ZNF536: variants seen among roughly 807,000 people sequenced by gnomAD.
ZNF536 encodes the protein zinc finger protein 536.
A neutral mutation model predicts 84.5 loss-of-function variants in ZNF536; 13 were observed. The observed-to-expected ratio is 0.15, with a 90% CI of 0.10 to 0.24. The LOEUF (loss-of-function observed/expected upper bound fraction) is 0.24, where lower values mean the gene tolerates loss of function less well. Ranked by LOEUF, ZNF536 falls within the 10% of genes least tolerant of loss-of-function variation. ZNF536 has a pLI of 1.00. For synonymous variants in ZNF536, 811 were observed against 742.5 expected (o/e 1.09, Z -1.50); for missense variants, 1,536 against 1,747.5 (o/e 0.88, Z 2.16).
chr19:30,350,975 G>A (rs981781564), intron 2 of ZNF536, among the ~76,000 whole-genome samples: 3 of 152,172 alleles, frequency 2.0e-5, no homozygotes, highest in South Asian at 2.1e-4. Context: ...CATATGCGGG[G>A]TGGTCTGTGC....
At chr19:30,646,249 C>A (rs2049464826) in intron 1 of ZNF536, among the ~76,000 whole-genome samples, 2 of 152,198 alleles carry the variant, frequency 1.3e-5, no homozygotes, top group African/African-American at 4.8e-5. Flanking sequence ...TGTCATGTGC[C>A]TCCCCAACTG....
At chr19:30,321,077 C>T (rs1203107320) in intron 2 of ZNF536, among the ~76,000 whole-genome samples, 3 of 152,202 alleles carry the variant, frequency 2.0e-5, no homozygotes, top group Non-Finnish European at 4.4e-5. Context: ...GCTCTGGCTC[C>T]AGGGTCAGGT....
At chr19:30,657,317 T>A (rs1247953045) in intron 1 of ZNF536, among the ~76,000 whole-genome samples, 3 of 152,192 alleles carry the variant, frequency 2.0e-5, no homozygotes, top group Non-Finnish European at 4.4e-5. Context: ...AAATAGAATC[T>A]ACCTCAAATA....
At chr19:30,297,165 T>G (rs751494234) in intron 2 of ZNF536, among the ~76,000 whole-genome samples, 4 of 152,162 alleles carry the variant, frequency 2.6e-5, no homozygotes, top group Non-Finnish European at 4.4e-5. Flanking sequence ...GCATCTGCCC[T>G]TCACTTCCAT....
At chr19:30,703,941 T>C (rs2052108750) in intron 1 of ZNF536, among the ~76,000 whole-genome samples, 1 of 152,192 alleles carries the variant, frequency 6.6e-6, no homozygotes, top group Non-Finnish European at 1.5e-5. Context: ...AGGGTGCTAG[T>C]AGCTTAGCAG....
intron 2 of ZNF536, among the ~76,000 whole-genome samples, chr19:30,470,600 C>T (rs547107852): frequency 6.6e-6 from 1 of 152,024 alleles, no homozygotes; most frequent in South Asian, 2.1e-4. Context: ...AATGGACAAC[C>T]TGTGATAGTT....
At chr19:30,693,811 A>G (rs936219885) in intron 1 of ZNF536, among the ~76,000 whole-genome samples, 1 of 152,180 alleles carries the variant, frequency 6.6e-6, no homozygotes, top group Non-Finnish European at 1.5e-5. Context: ...ATCTATATGG[A>G]TATATACTGT....
In ZNF536 at chr19:30,577,168, C is replaced by G. The variant is rs1599862825; in HGVS notation, c.169+27654C>G. Among the ~76,000 whole-genome samples, 3 of 152,064 alleles carry G rather than the reference C, an allele frequency of 2.0e-5. No homozygotes were observed. The East Asian group carries it at 5.8e-4, about 29-fold the overall frequency. ...TTTTAATACCCCGGCTCTTTAATAC[C>G]AAAATATCACACATAGAAGAAAGCT... On this transcript the variant is annotated intron_variant, in intron 1 of 1. Transcript: ENST00000592773.
At chr19:30,393,800 A>G (rs1416667941) in intron 1 of ZNF536, among the ~76,000 whole-genome samples, 1 of 152,218 alleles carries the variant, frequency 6.6e-6, no homozygotes, top group Non-Finnish European at 1.5e-5. Context: ...GACGCCACAG[A>G]GGCCTTGATG....
At position 30,381,203 on chromosome 19, in the gene ZNF536, C is replaced by G. The variant is rs141819007; in HGVS notation, c.-3+8647C>G. Among the ~76,000 whole-genome samples, 791 of 152,306 alleles carry G rather than the reference C, an allele frequency of 5.2e-3. 10 individuals carry two copies. The highest frequency in any genetic ancestry group is 0.018 in the African/African-American group (758 of 41,574). On this transcript the variant is annotated intron_variant, in intron 1 of 4. Coordinates refer to ENST00000355537, the MANE Select transcript of ZNF536 (RefSeq NM_014717.3). ...GTCTATATATATCTAATAATCAGCA[C>G]AAACCATGCCCCCAGAGGGAGCTAA... is the stretch of plus-strand genomic sequence containing the variant.
At chr19:30,494,808 TG>T (rs1402378877) in intron 2 of ZNF536, among the ~76,000 whole-genome samples, 10 of 151,654 alleles carry the variant, frequency 6.6e-5, no homozygotes, top group Non-Finnish European at 1.0e-4. Context: ...CAGCCGGGGG[TG>T]GTGGCGTGCA....
chr19:30,588,870 A>AT (rs1024390888), intron 1 of ZNF536, among the ~76,000 whole-genome samples: 3 of 152,188 alleles, frequency 2.0e-5, no homozygotes, highest in South Asian at 4.1e-4. Context: ...AGAATTAGTT[A>AT]TTTTTTTAAG....
chr19:30,345,333 C>G (rs761324120), intron 2 of ZNF536, among the ~76,000 whole-genome samples: 1 of 152,226 alleles, frequency 6.6e-6, no homozygotes, highest in Non-Finnish European at 1.5e-5. Flanking sequence ...TGAGCATTTT[C>G]CTCTTTGAAC....
intron 1 of ZNF536, among the ~76,000 whole-genome samples, chr19:30,272,343 G>T (rs1211547805): frequency 1.3e-5 from 2 of 152,154 alleles, no homozygotes; most frequent in Non-Finnish European, 2.9e-5. Context: ...AGACATTTTA[G>T]TTGTTTCCAC....
At chr19:30,690,398 C>T (rs1163068150) in intron 1 of ZNF536, among the ~76,000 whole-genome samples, 4 of 152,158 alleles carry the variant, frequency 2.6e-5, no homozygotes, top group Non-Finnish European at 5.9e-5. Context: ...ATTATGCTGG[C>T]GATGAGTTTG....
intron 2 of ZNF536, among the ~76,000 whole-genome samples, chr19:30,319,349 A>T (rs1438347228): frequency 6.6e-6 from 1 of 152,192 alleles, no homozygotes; most frequent in African/African-American, 2.4e-5. Context: ...ATTTAGTCGT[A>T]AAGGCTCAGA....
chr19:30,706,485 CAAA>C (rs751277069), intron 1 of ZNF536, among the ~76,000 whole-genome samples: 5 of 103,046 alleles, frequency 4.9e-5, no homozygotes, highest in Admixed American at 1.0e-4. Flanking sequence ...AACTCTGTCT[CAAA>C]AAAAAAAAAA....
At chr19:30,569,107 G>A (rs1224712656) in intron 1 of ZNF536, among the ~76,000 whole-genome samples, 4 of 152,182 alleles carry the variant, frequency 2.6e-5, no homozygotes, top group Non-Finnish European at 5.9e-5. Context: ...CAGAAGCAAA[G>A]CCCCTGGAGT....
intron 2 of ZNF536, among the ~76,000 whole-genome samples, chr19:30,482,047 CT>C (rs2054111294): frequency 6.6e-6 from 1 of 152,076 alleles, no homozygotes; most frequent in African/African-American, 2.4e-5. Context: ...ACCACATTAC[CT>C]TTATACTTTC....
Sources: allele counts gnomAD v4.1 joint callset (sites outside exome capture counted in the v4.1 genomes callset), GRCh38; gene constraint gnomAD v4.1.1; transcripts MANE v1.5; gene names NCBI Gene and HGNC (gene_info 2026-07-23, HGNC 2026-07-21).